NLGN4Y: variants seen among roughly 807,000 people sequenced by gnomAD.
NLGN4Y encodes neuroligin 4 Y-linked.
A neutral mutation model predicts 8.4 loss-of-function variants in NLGN4Y; 4 were observed. That is an observed-to-expected ratio of 0.48 (90% CI 0.23 to 1.09). NLGN4Y has a LOEUF of 1.09. Among genes scored for constraint, NLGN4Y ranks in the 50% least tolerant of loss-of-function variants. NLGN4Y has a pLI of 0.19. For missense variants in NLGN4Y, 90 were observed against 192.3 expected, an observed-to-expected ratio of 0.47 and a Z score of 3.15; for synonymous variants, 35 against 75.6, an observed-to-expected ratio of 0.46 and a Z score of 2.78.
At chrY:14,747,511 C>A (rs2081027634) in intron 4 of NLGN4Y, among the ~76,000 whole-genome samples, 1 of 33,154 alleles carries the variant, frequency 3.0e-5, no homozygotes. Flanking sequence ...AACTTCTTTT[C>A]TTTTCTTTTT....
intron 1 of NLGN4Y, among the ~76,000 whole-genome samples, chrY:14,612,658 C>T: frequency 3.0e-5 from 1 of 33,554 alleles, no homozygotes; most frequent in African/African-American, 1.2e-4. Flanking sequence ...CTTCTCCTTC[C>T]TCTGGAAGCT....
rs764089949 is a variant in NLGN4Y at position 14,802,127 on chromosome Y, G to A, written c.686-22061G>A. ...ATAAGGACTTGGAGAGATCACCCTC[G>A]CTTACCCACAAACAACTTGCAGGAC... On this transcript the variant is annotated intron_variant, in intron 4 of 6. Coordinates refer to ENST00000684976, the MANE Select transcript of NLGN4Y (RefSeq NM_001365588.1). Among the ~76,000 whole-genome samples, 3 of 32,903 alleles carry A rather than the reference G, an allele frequency of 9.1e-5. No individual in the cohort carries two copies. In the South Asian group the frequency reaches 2.1e-3, roughly 23 times the overall value. The allele number at this position is 32,903 out of a possible 37,273, so 88.3% of individuals were successfully genotyped here. A position where few individuals can be genotyped will look rare whatever the true frequency, so the allele number is the denominator to read the frequency against.
chrY:14,637,743 A>T, intron 2 of NLGN4Y, among the ~76,000 whole-genome samples: 1 of 32,454 alleles, frequency 3.1e-5, no homozygotes, highest in African/African-American at 1.2e-4. Context: ...TGAAATGCCA[A>T]GCCCATGAGG....
chrY:14,770,275 G>A, intron 4 of NLGN4Y, among the ~76,000 whole-genome samples: 1 of 33,301 alleles, frequency 3.0e-5, no homozygotes, highest in Non-Finnish European at 7.4e-5. Flanking sequence ...TCCAAGTACA[G>A]TTTGACAAAC....
intron 2 of NLGN4Y, among the ~76,000 whole-genome samples, chrY:14,635,793 T>C (rs2150513314): frequency 9.7e-5 from 3 of 30,958 alleles, no homozygotes; most frequent in Non-Finnish European, 7.7e-5. Context: ...GGTTTCACCA[T>C]GTTGGCCCAG....
chrY:14,603,968 C>T (rs2080437497), intron 1 of NLGN4Y, among the ~76,000 whole-genome samples: 2 of 32,870 alleles, frequency 6.1e-5, no homozygotes, highest in African/African-American at 2.4e-4. Flanking sequence ...TGTGCCCTTA[C>T]TAAGCGCAGT....
chrY:14,588,417 G>A (rs2080348301), intron 1 of NLGN4Y, among the ~76,000 whole-genome samples: 3 of 32,946 alleles, frequency 9.1e-5, no homozygotes, highest in African/African-American at 3.6e-4. Context: ...TGACCTCATA[G>A]TTCACATGAG....
intron 4 of NLGN4Y, among the ~76,000 whole-genome samples, chrY:14,765,111 C>T: frequency 3.0e-5 from 1 of 33,294 alleles, no homozygotes; most frequent in African/African-American, 1.2e-4. Flanking sequence ...CTTTGAAGAC[C>T]TTGGAAAGCT....
intron 4 of NLGN4Y, among the ~76,000 whole-genome samples, chrY:14,762,857 G>GA (rs2081084923): frequency 3.0e-5 from 1 of 33,370 alleles, no homozygotes; most frequent in Non-Finnish European, 7.4e-5. Context: ...ACTCCCACTT[G>GA]AAAAAAATGA....
chrY:14,548,040 G>A (rs933707663), intron 1 of NLGN4Y, among the ~76,000 whole-genome samples: 7 of 32,892 alleles, frequency 2.1e-4, no homozygotes, highest in African/African-American at 8.3e-4. Context: ...TGGGACTGAC[G>A]GATATGTTAT....
chrY:14,575,899 C>T, intron 1 of NLGN4Y, among the ~76,000 whole-genome samples: 1 of 33,290 alleles, frequency 3.0e-5, no homozygotes, highest in African/African-American at 1.2e-4. Flanking sequence ...GGCTGCACAA[C>T]AGTGGATATT....
chrY:14,696,166 C>T, intron 2 of NLGN4Y, among the ~76,000 whole-genome samples: 1 of 32,965 alleles, frequency 3.0e-5, no homozygotes, highest in Non-Finnish European at 7.5e-5. Context: ...CATTCCATTT[C>T]CTAGGTAACA....
At chrY:14,546,110 G>A in intron 1 of NLGN4Y, among the ~76,000 whole-genome samples, 3 of 31,782 alleles carry the variant, frequency 9.4e-5, no homozygotes, top group Admixed American at 5.9e-4. Flanking sequence ...TATTTCTGAC[G>A]GCTCTGTTCT....
chrY:14,756,287 C>G (rs2081056157), intron 4 of NLGN4Y, among the ~76,000 whole-genome samples: 4 of 33,310 alleles, frequency 1.2e-4, no homozygotes, highest in African/African-American at 3.5e-4. Flanking sequence ...CTGTTGGAAG[C>G]TCTCAGTTTG....
chrY:14,748,305 A>G, intron 4 of NLGN4Y, among the ~76,000 whole-genome samples: 8 of 33,356 alleles, frequency 2.4e-4, no homozygotes, highest in Admixed American at 2.2e-3. Flanking sequence ...AAGGAAGTTA[A>G]AGTGAAGGTA....
chrY:14,766,176 T>G (rs778629647), intron 4 of NLGN4Y, among the ~76,000 whole-genome samples: 7 of 33,510 alleles, frequency 2.1e-4, no homozygotes, highest in Admixed American at 2.8e-4. Context: ...ATTAGTGGAA[T>G]GACAATAGAT....
At chrY:14,554,617 G>T in intron 1 of NLGN4Y, among the ~76,000 whole-genome samples, 1 of 33,508 alleles carries the variant, frequency 3.0e-5, no homozygotes, top group Admixed American at 2.8e-4. Context: ...TGGTTATGAT[G>T]GTTGCTGTCA....
At chrY:14,597,021 G>A in intron 1 of NLGN4Y, among the ~76,000 whole-genome samples, 4 of 32,832 alleles carry the variant, frequency 1.2e-4, no homozygotes, top group African/African-American at 2.4e-4. Context: ...AGCTCTTAAG[G>A]TGGCACGTCT....
At chrY:14,735,392 G>T in intron 4 of NLGN4Y, among the ~76,000 whole-genome samples, 1 of 33,423 alleles carries the variant, frequency 3.0e-5, no homozygotes, top group African/African-American at 1.2e-4. Flanking sequence ...TTGTATAAGG[G>T]GCTTTTTCCC....
Sources: allele counts gnomAD v4.1 joint callset (sites outside exome capture counted in the v4.1 genomes callset), GRCh38; gene constraint gnomAD v4.1.1; transcripts MANE v1.5; gene names NCBI Gene and HGNC (gene_info 2026-07-23, HGNC 2026-07-21).